The following BTNL8 variants were observed in gnomAD, a reference collection of about 807,000 sequenced individuals.
BTNL8 encodes the protein butyrophilin-like protein 8.
BTNL8 carries 22 observed loss-of-function variants against 36.1 expected under a neutral mutation model. That is an observed-to-expected ratio of 0.61 (90% CI 0.44 to 0.87). The LOEUF is 0.87. Among genes scored for constraint, BTNL8 ranks in the 40% least tolerant of loss-of-function variants. The probability of loss-of-function intolerance (pLI) is 0.00; values close to 1 mark genes in which losing one functional copy is unlikely to be tolerated. For synonymous variants in BTNL8, 203 were observed against 235.6 expected (o/e 0.86, Z 1.27); for missense variants, 526 against 616.9 (o/e 0.85, Z 1.56).
chr5:180,923,017 T>C (rs1263032763), intron 3 of BTNL8, among the ~76,000 whole-genome samples: 1 of 152,204 alleles, frequency 6.6e-6, no homozygotes, highest in Non-Finnish European at 1.5e-5. Context: ...CTCCTGCTTT[T>C]TCCTGCTTTC....
chr5:180,912,201 A>G (rs1332971545), intron 3 of BTNL8, among the ~76,000 whole-genome samples: 1 of 152,070 alleles, frequency 6.6e-6, no homozygotes, highest in Non-Finnish European at 1.5e-5. Context: ...GGACTTTTGG[A>G]CAGGAGTGAC....
At chr5:180,919,892 CAAAT>C (rs1757791091) in intron 3 of BTNL8, among the ~76,000 whole-genome samples, 1 of 152,072 alleles carries the variant, frequency 6.6e-6, no homozygotes, top group Non-Finnish European at 1.5e-5. Flanking sequence ...GACTATAACA[CAAAT>C]AAATAGAAAT....
chr5:180,907,631 GT>G (rs1757147154), intron 1 of BTNL8, among the ~76,000 whole-genome samples: 2 of 150,562 alleles, frequency 1.3e-5, no homozygotes, highest in South Asian at 2.1e-4. Flanking sequence ...TTTCTGTTCT[GT>G]TTTTTCCCCA....
intron 1 of BTNL8, among the ~76,000 whole-genome samples, chr5:180,907,829 T>C (rs1171885232): frequency 9.2e-5 from 14 of 151,424 alleles, no homozygotes; most frequent in Non-Finnish European, 1.9e-4. Flanking sequence ...GTTAGGCTGC[T>C]CGGGGGTCAG....
chr5:180,941,251 A>G (rs1446433405), intron 3 of BTNL8, among the ~76,000 whole-genome samples: 1 of 152,242 alleles, frequency 6.6e-6, no homozygotes, highest in Non-Finnish European at 1.5e-5. Context: ...AGAGTCAGGA[A>G]AAACTAGAAA....
rs1475542717 is a variant in BTNL8 at position 180,948,513 on chromosome 5, C to T, written c.808+138C>T. On this transcript the variant is annotated intron_variant, in intron 5 of 7. Transcript: ENST00000340184. The stretch of plus-strand genomic sequence containing the variant: ...GCAGGTGGAGGAGAGCAGCTGCTCG[C>T]TCTCTCCATCCACTGCTCATGAGTT... The T allele has an allele frequency of 8.1e-6, 13 of 1,606,654 alleles. No individual in the cohort carries two copies. In the East Asian group the frequency reaches 2.9e-4, roughly 36 times the overall value.
intron 2 of BTNL8, chr5:180,909,473 C>G (rs1318740392): frequency 1.1e-5 from 10 of 910,670 alleles, no homozygotes; most frequent in African/African-American, 1.8e-5. Context: ...TTATCTGATA[C>G]AGCAGGGAGC....
chr5:180,910,079 C>G (rs971378415), intron 2 of BTNL8, among the ~76,000 whole-genome samples: 1 of 152,102 alleles, frequency 6.6e-6, no homozygotes, highest in Non-Finnish European at 1.5e-5. Context: ...CCCTCAGGCC[C>G]GGCTAAGCTG....
chr5:180,938,431 CAG>C (rs751332089), intron 3 of BTNL8, among the ~76,000 whole-genome samples: 37 of 152,284 alleles, frequency 2.4e-4, no homozygotes, highest in Non-Finnish European at 5.0e-4. Flanking sequence ...AAAGGACAAA[CAG>C]AGAATTCTAA....
intron 3 of BTNL8, among the ~76,000 whole-genome samples, chr5:180,917,657 A>G (rs1391509602): frequency 6.6e-6 from 1 of 152,256 alleles, no homozygotes; most frequent in Non-Finnish European, 1.5e-5. Flanking sequence ...ATTGATAATC[A>G]AAATCCTCCC....
At chr5:180,945,801 C>A in intron 3 of BTNL8, 2 of 511,604 alleles carry the variant, frequency 3.9e-6, no homozygotes, top group South Asian at 1.4e-5. Context: ...AAAATTCGGT[C>A]AGGGTTCTTG....
chr5:180,929,356 A>G (rs1019261126), intron 3 of BTNL8, among the ~76,000 whole-genome samples: 7 of 152,208 alleles, frequency 4.6e-5, no homozygotes, highest in Non-Finnish European at 8.8e-5. Context: ...CCACAGGAGA[A>G]AGCAGGAAAG....
Position 180,935,026 on chromosome 5 carries a change from G to T in BTNL8, c.674-12486G>T, listed in dbSNP as rs987064994. ...GTGGGTAGCTCCTTTCTGCAGGCAG[G>T]TCATCCCAACAAGTGGGTAGCTCCT... On this transcript the variant is annotated intron_variant, in intron 3 of 7. Coordinates refer to ENST00000340184, the MANE Select transcript of BTNL8 (RefSeq NM_001040462.3). This position sits in a 1 kb window ranked among gnomAD's most constrained non-coding sequence, Gnocchi z 4.8. 1.3e-5 allele frequency among the ~76,000 whole-genome samples: 2 copies of T among 152,120 alleles called. No homozygotes were observed. Among genetic ancestry groups the T allele is most frequent in the African/African-American group, 4.8e-5 (2 of 41,418 alleles).
intron 3 of BTNL8, among the ~76,000 whole-genome samples, chr5:180,933,669 G>A (rs902232246): frequency 1.3e-5 from 2 of 152,210 alleles, no homozygotes; most frequent in East Asian, 1.9e-4. Context: ...TATAGCAATA[G>A]ACATCTGTAT....
At chr5:180,907,886 C>G (rs1561927746) in intron 1 of BTNL8, among the ~76,000 whole-genome samples, 1 of 151,622 alleles carries the variant, frequency 6.6e-6, no homozygotes, top group Non-Finnish European at 1.5e-5. Flanking sequence ...TCTCAGATCT[C>G]CAGCTGCGTG....
intron 3 of BTNL8, among the ~76,000 whole-genome samples, chr5:180,918,247 C>A (rs1757731296): frequency 6.6e-6 from 1 of 151,844 alleles, no homozygotes; most frequent in African/African-American, 2.4e-5. Context: ...CAAATATTAG[C>A]CAACCAAATT....
intron 3 of BTNL8, among the ~76,000 whole-genome samples, chr5:180,915,178 C>A (rs1383521224): frequency 1.3e-5 from 2 of 152,166 alleles, no homozygotes; most frequent in East Asian, 3.9e-4. Flanking sequence ...TAGAGGCCCA[C>A]CTCACAACCT....
intron 3 of BTNL8, among the ~76,000 whole-genome samples, chr5:180,924,802 G>A (rs779997099): frequency 4.6e-5 from 7 of 152,004 alleles, no homozygotes; most frequent in Non-Finnish European, 7.4e-5. Flanking sequence ...ATAATGCTCC[G>A]GTAATAGACC....
intron 3 of BTNL8, among the ~76,000 whole-genome samples, chr5:180,917,885 C>T (rs989044851): frequency 4.6e-5 from 7 of 151,528 alleles, no homozygotes; most frequent in Non-Finnish European, 7.4e-5. Context: ...AAGAATTAGC[C>T]GGGCATGGTG....
Sources: gnomAD v4.1 joint callset for allele counts (sites outside exome capture counted in the v4.1 genomes callset) on GRCh38, gnomAD v4.1.1 for gene constraint, Gnocchi (gnomAD v3.1) non-coding constraint, MANE v1.5 for transcripts, NCBI Gene and HGNC (gene_info 2026-07-23, HGNC 2026-07-21) for gene names.